Variants in COPG2 observed in about 807,000 individuals in gnomAD.
COPG2 encodes the protein coatomer subunit gamma-2.
In COPG2, 37 loss-of-function variants were observed where a neutral mutation model predicts 46.3. That is an observed-to-expected ratio of 0.80 (90% CI 0.61 to 1.05). COPG2 has a LOEUF of 1.05. Among genes scored for constraint, COPG2 ranks in the 50% least tolerant of loss-of-function variants. COPG2 has a pLI of 0.00. For synonymous variants in COPG2, 159 were observed against 129.7 expected (o/e 1.23, Z -1.53); for missense variants, 427 against 387.8 (o/e 1.10, Z -0.85).
intron 5 of COPG2, among the ~76,000 whole-genome samples, chr7:130,639,576 C>A (rs1795421965): frequency 6.6e-6 from 1 of 152,148 alleles, no homozygotes; most frequent in Non-Finnish European, 1.5e-5. Flanking sequence ...ACTCTGGATC[C>A]TATTAAAAGC....
chr7:130,625,892 C>A (rs1795112083), intron 5 of COPG2, among the ~76,000 whole-genome samples: 1 of 151,588 alleles, frequency 6.6e-6, no homozygotes, highest in South Asian at 2.1e-4. Context: ...TTATTCCTTC[C>A]TTTTCATTGA....
intron 5 of COPG2, among the ~76,000 whole-genome samples, chr7:130,641,514 G>C (rs1311735849): frequency 2.0e-5 from 3 of 152,204 alleles, no homozygotes; most frequent in Admixed American, 6.5e-5. Context: ...GAAAGCCAAA[G>C]ATGGTACAAC....
At chr7:130,543,009 C>A (rs1211102440) in intron 20 of COPG2, among the ~76,000 whole-genome samples, 1 of 152,134 alleles carries the variant, frequency 6.6e-6, no homozygotes, top group Non-Finnish European at 1.5e-5. Flanking sequence ...CTTTACCTGT[C>A]ATGGTAACTA....
At chr7:130,545,896 T>C (rs1793435217) in intron 20 of COPG2, among the ~76,000 whole-genome samples, 7 of 152,208 alleles carry the variant, frequency 4.6e-5, no homozygotes. Context: ...CTATACTATA[T>C]GTAATTTCTA....
intron 9 of COPG2, chr7:130,603,860 G>C (rs1794682527): frequency 1.9e-6 from 1 of 518,620 alleles, no homozygotes; most frequent in African/African-American, 1.9e-5. Context: ...TGTAACTTTT[G>C]ACTCCCCCAA....
At chr7:130,552,326 T>G in intron 15 of COPG2, 29 bp downstream of exon 15, 1 of 398,216 alleles carries the variant, frequency 2.5e-6, no homozygotes, top group South Asian at 1.3e-4. Context: ...ATTCTTATTT[T>G]TTTTTAGAAA....
chr7:130,516,489 T>C (rs1179190193), intron 20 of COPG2, among the ~76,000 whole-genome samples: 1 of 152,088 alleles, frequency 6.6e-6, no homozygotes, highest in Admixed American at 6.5e-5. Flanking sequence ...GAAAACATAT[T>C]AGGACTTGCC....
chr7:130,667,974 C>T (rs368463606), intron 1 of COPG2, among the ~76,000 whole-genome samples: 7 of 152,132 alleles, frequency 4.6e-5, no homozygotes, highest in African/African-American at 1.7e-4. Context: ...GGTTGACTAA[C>T]CCAACCCCCT....
At chr7:130,549,679 A>T (rs1317029058) in intron 17 of COPG2, among the ~76,000 whole-genome samples, 1 of 152,246 alleles carries the variant, frequency 6.6e-6, no homozygotes, top group Non-Finnish European at 1.5e-5. Flanking sequence ...TCTTCTCATG[A>T]TCAAAATAGG....
At chr7:130,592,066 C>A (rs1260613654) in intron 9 of COPG2, among the ~76,000 whole-genome samples, 1 of 152,204 alleles carries the variant, frequency 6.6e-6, no homozygotes, top group Non-Finnish European at 1.5e-5. Flanking sequence ...ACAAAAAATT[C>A]TTCTGCCTTG....
intron 20 of COPG2, among the ~76,000 whole-genome samples, chr7:130,534,206 G>T (rs1799857481): frequency 6.6e-6 from 1 of 152,108 alleles, no homozygotes; most frequent in Non-Finnish European, 1.5e-5. Flanking sequence ...GGGGGAAAGG[G>T]CCAAAGTAAC....
chr7:130,664,204 TA>T (rs1554461130), intron 3 of COPG2, among the ~76,000 whole-genome samples: 2 of 152,214 alleles, frequency 1.3e-5, no homozygotes, highest in African/African-American at 4.8e-5. Context: ...CAATCTTATA[TA>T]ATACGTTACA....
chr7:130,530,888 A>G (rs1470477532), intron 20 of COPG2, among the ~76,000 whole-genome samples: 1 of 151,676 alleles, frequency 6.6e-6, no homozygotes, highest in Non-Finnish European at 1.5e-5. Context: ...GAACAAAGGA[A>G]TTTGGAGTGC....
At chr7:130,513,992 G>C (rs1554441399) in intron 20 of COPG2, among the ~76,000 whole-genome samples, 1 of 152,202 alleles carries the variant, frequency 6.6e-6, no homozygotes, top group Non-Finnish European at 1.5e-5. Context: ...ACAAAGAGTA[G>C]GTAAGCGTAG....
At chr7:130,610,706 G>A (rs1794830854) in intron 9 of COPG2, 2 of 624,270 alleles carry the variant, frequency 3.2e-6, no homozygotes, top group Non-Finnish European at 5.8e-6. Context: ...TATGATCAAT[G>A]CATATATTTT....
intron 5 of COPG2, among the ~76,000 whole-genome samples, chr7:130,650,018 G>A (rs1020574899): frequency 2.6e-5 from 4 of 152,146 alleles, no homozygotes; most frequent in East Asian, 3.8e-4. Context: ...AGTCCTTTCC[G>A]GAGGCTAGAA....
At chr7:130,667,398 TGA>T in intron 2 of COPG2, 82 bp downstream of exon 2, 1 of 1,094,888 alleles carries the variant, frequency 9.1e-7, no homozygotes, top group Non-Finnish European at 1.4e-6. Flanking sequence ...TTGCATGTCG[TGA>T]TCACAGCAGC....
intron 20 of COPG2, among the ~76,000 whole-genome samples, chr7:130,537,103 G>A (rs1324674883): frequency 2.0e-5 from 3 of 152,136 alleles, no homozygotes; most frequent in African/African-American, 7.2e-5. Context: ...GGGGGGACGA[G>A]GATGGGCAGA....
intron 20 of COPG2, among the ~76,000 whole-genome samples, chr7:130,512,789 C>T (rs1464761815): frequency 3.9e-5 from 6 of 152,056 alleles, no homozygotes; most frequent in African/African-American, 1.4e-4. Context: ...GGATGACTGA[C>T]AGTTAAGATA....
Sources: gnomAD v4.1 joint callset for allele counts (sites outside exome capture counted in the v4.1 genomes callset) on GRCh38, gnomAD v4.1.1 for gene constraint, MANE v1.5 for transcripts, NCBI Gene and HGNC (gene_info 2026-07-23, HGNC 2026-07-21) for gene names.